Variants in GREB1 observed in about 807,000 individuals in gnomAD.
The protein encoded by GREB1 is protein GREB1.
In GREB1, 106 loss-of-function variants were observed where a neutral mutation model predicts 200.7. The ratio of observed to expected loss-of-function variants is 0.53; its 90% CI spans 0.45 to 0.62. The LOEUF (loss-of-function observed/expected upper bound fraction) is 0.62, where lower values mean the gene tolerates loss of function less well. GREB1 is among the 20% of genes least tolerant of loss of function. The probability of loss-of-function intolerance (pLI) is 0.00; values close to 1 mark genes in which losing one functional copy is unlikely to be tolerated. For synonymous variants in GREB1, 1,132 were observed against 1,092.4 expected (o/e 1.04, Z -0.72); for missense variants, 2,243 against 2,556.8 (o/e 0.88, Z 2.65).
chr2:11,540,915 C>T (rs369016356), intron 1 of GREB1, among the ~76,000 whole-genome samples: 2 of 152,232 alleles, frequency 1.3e-5, no homozygotes, highest in East Asian at 3.8e-4. Context: ...AGGACGCAGT[C>T]CGGAGAGTGT....
chr2:11,636,802 AGAGGC>A lies in GREB1; in HGVS notation c.5347-913_5347-909del, dbSNP rs1337509562. 1.3e-3 allele frequency among the ~76,000 whole-genome samples: 194 copies of A among 145,582 alleles called. 1 individual carries two copies. Among genetic ancestry groups the A allele is most frequent in the Middle Eastern group, 3.7e-3 (1 of 270 alleles). ...CAGGGGCACGGGCATGGGCAGGGGCAGAGGCAGGGACAGAGGCAGGGGCAGGGACA... is the reference window on the plus strand; with the variant it reads ...CAGGGGCACGGGCATGGGCAGGGGCAAGGGACAGAGGCAGGGGCAGGGACA... On this transcript the variant is annotated intron_variant, in intron 30 of 32. Transcript: ENST00000381486.
At chr2:11,624,874 C>T (rs1684312345) in intron 23 of GREB1, among the ~76,000 whole-genome samples, 1 of 151,946 alleles carries the variant, frequency 6.6e-6, no homozygotes, top group East Asian at 1.9e-4. Context: ...TTATGTGTGG[C>T]CCAAGACAAT....
chr2:11,637,216 T>C (rs1685451952), intron 30 of GREB1, among the ~76,000 whole-genome samples: 1 of 152,092 alleles, frequency 6.6e-6, no homozygotes, highest in Non-Finnish European at 1.5e-5. Context: ...TTCCCAGCTA[T>C]GGGAAAGTTC....
In GREB1 at chr2:11,616,611, G is replaced by A. The variant is rs748037386; in HGVS notation, c.3323-20G>A. ...GAATGGTGATTTCGGTGCATTCTCAGCGTGTGTGTTTTGGAACAGGCTCTA... is the reference window on the plus strand; with the variant it reads ...GAATGGTGATTTCGGTGCATTCTCAACGTGTGTGTTTTGGAACAGGCTCTA... On this transcript the variant is annotated intron_variant, in intron 20 of 32. Coordinates refer to ENST00000381486, the MANE Select transcript of GREB1 (RefSeq NM_014668.4). 1.3e-6 allele frequency: 2 copies of A among 1,486,878 alleles called. No individual in the cohort carries two copies. The highest frequency in any genetic ancestry group is 1.9e-6 in the Non-Finnish European group (2 of 1,063,814). The allele number at this position is 1,486,878 out of a possible 1,614,324, so 92.1% of individuals were successfully genotyped here.
intron 23 of GREB1, among the ~76,000 whole-genome samples, chr2:11,621,341 G>T (rs1331755376): frequency 3.3e-5 from 5 of 152,194 alleles, no homozygotes; most frequent in Non-Finnish European, 5.9e-5. Flanking sequence ...TCACATGCTT[G>T]GGAGCCCAGC....
intron 1 of GREB1, among the ~76,000 whole-genome samples, chr2:11,538,625 CTTT>C: frequency 5.6e-5 from 1 of 17,990 alleles, no homozygotes; most frequent in African/African-American, 1.0e-4. Flanking sequence ...TTCTTTCTTT[CTTT>C]CTTTCTTTCT....
chr2:11,549,277 T>C (rs1174161771), intron 1 of GREB1, among the ~76,000 whole-genome samples: 1 of 152,212 alleles, frequency 6.6e-6, no homozygotes, highest in Non-Finnish European at 1.5e-5. Flanking sequence ...GTTTATTTTC[T>C]AATAGAATAA....
At chr2:11,623,369 C>A (rs1167186336) in intron 23 of GREB1, among the ~76,000 whole-genome samples, 13 of 152,222 alleles carry the variant, frequency 8.5e-5, no homozygotes. Context: ...ACACCTTCTA[C>A]TTATTGAAAA....
chr2:11,547,845 T>C (rs1413211278), intron 1 of GREB1, among the ~76,000 whole-genome samples: 1 of 152,192 alleles, frequency 6.6e-6, no homozygotes, highest in Non-Finnish European at 1.5e-5. Flanking sequence ...TACTGTAGAA[T>C]ATGAGAATTT....
intron 6 of GREB1, among the ~76,000 whole-genome samples, chr2:11,578,671 A>T (rs1679143541): frequency 1.3e-5 from 2 of 152,286 alleles, no homozygotes; most frequent in South Asian, 4.2e-4. Context: ...TGGTGGGGAC[A>T]TATGCAGGAT....
chr2:11,550,624 C>T (rs1675722337), intron 1 of GREB1, among the ~76,000 whole-genome samples: 2 of 152,222 alleles, frequency 1.3e-5, no homozygotes. Flanking sequence ...TCTCTGGGTT[C>T]TGTGCATTTG....
chr2:11,555,724 GA>G (rs757067112), intron 1 of GREB1, among the ~76,000 whole-genome samples: 2 of 152,192 alleles, frequency 1.3e-5, no homozygotes, highest in African/African-American at 2.4e-5. Context: ...CCTCCAGCTG[GA>G]GGGGTTGGAG....
chr2:11,532,627 C>T (rs1268874654), upstream of GREB1, among the ~76,000 whole-genome samples: 2 of 152,160 alleles, frequency 1.3e-5, no homozygotes, highest in Non-Finnish European at 2.9e-5. Context: ...CTTTTCATTT[C>T]TGTGGGTCGT....
intron 1 of GREB1, among the ~76,000 whole-genome samples, chr2:11,486,771 G>C (rs1475522438): frequency 6.6e-6 from 1 of 151,988 alleles, no homozygotes; most frequent in Admixed American, 6.6e-5. Context: ...GGGAGGCTGA[G>C]GCGGGAGAAT....
intron 10 of GREB1, among the ~76,000 whole-genome samples, 191 bp from the exon 11 acceptor site, chr2:11,592,585 C>T (rs1260064533): frequency 6.6e-6 from 1 of 152,102 alleles, no homozygotes; most frequent in Non-Finnish European, 1.5e-5. Context: ...GAGAAATACA[C>T]GTAAATAGCG....
intron 1 of GREB1, among the ~76,000 whole-genome samples, chr2:11,526,253 A>G (rs1055562948): frequency 6.6e-6 from 1 of 152,130 alleles, no homozygotes; most frequent in Non-Finnish European, 1.5e-5. Flanking sequence ...CTGTGGCTCT[A>G]AGCTTTCTTC....
chr2:11,529,003 T>A (rs1673977169), intron 1 of GREB1, among the ~76,000 whole-genome samples: 1 of 152,186 alleles, frequency 6.6e-6, no homozygotes, highest in Admixed American at 6.5e-5. Flanking sequence ...ATATATATTT[T>A]TTGCCCACAG....
rs371146001 is a variant in GREB1 at position 11,610,901 on chromosome 2, G to T, written c.2880G>T (p.Ala960=). 6.2e-7 allele frequency: 1 copy of T among 1,613,000 alleles called. No individual in the cohort carries two copies. The highest frequency in any genetic ancestry group is 8.5e-7 in the Non-Finnish European group (1 of 1,179,774). Residue 960 remains alanine (A), a synonymous_variant, in exon 18 of 33, where the codon GCG becomes GCT. Coordinates refer to ENST00000381486, the MANE Select transcript of GREB1 (RefSeq NM_014668.4). ...VLLRVPCSPL[A]VVAYERLAHV... is the part of the protein sequence containing the mutation. ...TGCGGGTGCCCTGTTCGCCCCTGGC[G>T]GTGGTGGCCTATGAGCGGCTGGCCC...
Position 11,588,773 on chromosome 2 carries a change from G to A in GREB1, c.1187G>A (p.Gly396Glu). ...CATGGGAACTTCCCTTACCTCTGTGGGAACCTGAATGACGTCGTGGTCAGC... is the reference window on the plus strand; with the variant it reads ...CATGGGAACTTCCCTTACCTCTGTGAGAACCTGAATGACGTCGTGGTCAGC... Reference protein sequence around the residue: ...KGHGNFPYLCGNLNDVVVSPL... With the variant: ...KGHGNFPYLCENLNDVVVSPL... Residue 396 changes from glycine (G) to glutamate (E), a missense_variant, in exon 10 of 33, where the codon GGG (glycine) becomes GAG (glutamate). By Grantham distance (98) the Gly-to-Glu change is moderately conservative. Coordinates refer to ENST00000381486, the MANE Select transcript of GREB1 (RefSeq NM_014668.4). The A allele has an allele frequency of 6.2e-7, 1 of 1,614,182 alleles. No homozygotes were observed. The highest frequency in any genetic ancestry group is 8.5e-7 in the Non-Finnish European group (1 of 1,180,020).
Sources: allele counts gnomAD v4.1 joint callset (sites outside exome capture counted in the v4.1 genomes callset), GRCh38; gene constraint gnomAD v4.1.1; transcripts MANE v1.5; gene names NCBI Gene and HGNC (gene_info 2026-07-23, HGNC 2026-07-21).